JAKMIP2: variants seen among roughly 807,000 people sequenced by gnomAD.
The protein encoded by JAKMIP2 is janus kinase and microtubule interacting protein 2, also known as janus kinase and microtubule-interacting protein 2.
In JAKMIP2, 25 loss-of-function variants were observed where a neutral mutation model predicts 115.0. The ratio of observed to expected loss-of-function variants is 0.22; its 90% CI spans 0.16 to 0.30. The LOEUF is 0.30. Among genes scored for constraint, JAKMIP2 ranks in the 10% least tolerant of loss-of-function variants. The pLI, the probability that JAKMIP2 is intolerant of heterozygous loss-of-function variation, is 1.00. For synonymous variants in JAKMIP2, 334 were observed against 343.6 expected, an observed-to-expected ratio of 0.97 and a Z score of 0.31; for missense variants, 642 against 957.6, an observed-to-expected ratio of 0.67 and a Z score of 4.35.
Position 147,644,859 on chromosome 5 carries a change from ATTTTCC to A in JAKMIP2, c.1068_1073del (p.Lys356_Glu357del). 6 of 1,613,310 alleles carry A rather than the reference ATTTTCC, an allele frequency of 3.7e-6. No individual in the cohort carries two copies. The highest frequency in any genetic ancestry group is 5.1e-6 in the Non-Finnish European group (6 of 1,179,794). The stretch of plus-strand genomic sequence containing the variant: ...AGTCTGTGATACACACCATTTCTGA[ATTTTCC>A]TTGGTAACGGCTTTTAGTTTTTCTT... On this transcript the variant is annotated inframe_deletion, in exon 6 of 22. Transcript: ENST00000616793.
intron 1 of JAKMIP2, among the ~76,000 whole-genome samples, chr5:147,723,479 G>A (rs577259530): frequency 2.6e-5 from 4 of 152,162 alleles, no homozygotes; most frequent in African/African-American, 9.6e-5. Flanking sequence ...CATGAATTTT[G>A]TGCAATACTA....
At chr5:147,719,442 G>A (rs1326359394) in intron 1 of JAKMIP2, among the ~76,000 whole-genome samples, 1 of 145,164 alleles carries the variant, frequency 6.9e-6, no homozygotes, top group African/African-American at 2.6e-5. Context: ...AATGTTGACA[G>A]TGGGGTGTTA....
rs1353581627 is a variant in JAKMIP2, at chr5:147,587,753, A to C, written c.*3954T>G. 6.6e-6 allele frequency: 1 copy of C among 152,168 alleles called. No individual in the cohort carries two copies. Among genetic ancestry groups the C allele is most frequent in the Non-Finnish European group, 1.5e-5 (1 of 68,022 alleles). The allele number at this position is 152,168 out of a possible 1,614,324, so 9.4% of individuals were successfully genotyped here. On this transcript the variant is annotated 3_prime_UTR_variant, in exon 22 of 22. Transcript: ENST00000616793. Reference sequence around the variant, plus strand: ...GCAAAAAGGAACAAGTTTGCCAGAGATTTATTTAAAATTGAAAGCAAAGTT... The same window carrying C: ...GCAAAAAGGAACAAGTTTGCCAGAGCTTTATTTAAAATTGAAAGCAAAGTT...
intron 21 of JAKMIP2, among the ~76,000 whole-genome samples, chr5:147,596,614 ATC>A (rs1446475162): frequency 1.3e-5 from 2 of 152,178 alleles, no homozygotes; most frequent in African/African-American, 4.8e-5. Context: ...TCATCTGTCA[ATC>A]TGAAATTTAT....
intron 12 of JAKMIP2, among the ~76,000 whole-genome samples, chr5:147,633,130 T>G (rs1231133687): frequency 6.6e-6 from 1 of 152,230 alleles, no homozygotes; most frequent in East Asian, 1.9e-4. Flanking sequence ...GGACTGATAC[T>G]TCTCATTTCT....
At chr5:147,734,131 G>A (rs1753831148) in intron 1 of JAKMIP2, among the ~76,000 whole-genome samples, 1 of 152,070 alleles carries the variant, frequency 6.6e-6, no homozygotes, top group African/African-American at 2.4e-5. Context: ...AGACATTTAT[G>A]TGGCCAATAA....
In JAKMIP2 at chr5:147,695,677, T is replaced by TGTGA. The variant is rs532821164; in HGVS notation, c.-148-23724_-148-23723insTCAC. Among the ~76,000 whole-genome samples, 1,415 of 147,090 alleles carry TGTGA rather than the reference T, an allele frequency of 9.6e-3. 12 individuals are homozygous for TGTGA. Among genetic ancestry groups the TGTGA allele is most frequent in the African/African-American group, 0.021 (829 of 40,330 alleles). ...GTGTGTGTGTGTGTGTGTGTGTGTG[T>TGTGA]GAGAGAGAGAGACAGAGACAGAGAC... On this transcript the variant is annotated intron_variant, in intron 1 of 21. Transcript: ENST00000616793.
At chr5:147,620,603 T>A in intron 18 of JAKMIP2, 63 bp downstream of exon 18, 1 of 1,122,898 alleles carries the variant, frequency 8.9e-7, no homozygotes, top group South Asian at 1.3e-5. Context: ...TTAAAAAGGA[T>A]ACTTAATTCC....
intron 1 of JAKMIP2, among the ~76,000 whole-genome samples, chr5:147,724,833 TA>T (rs983834401): frequency 6.6e-6 from 1 of 152,118 alleles, no homozygotes; most frequent in Non-Finnish European, 1.5e-5. Context: ...CATAGATAGA[TA>T]AAAAACAAGG....
intron 1 of JAKMIP2, among the ~76,000 whole-genome samples, chr5:147,723,021 A>G (rs570433873): frequency 6.7e-6 from 1 of 148,926 alleles, no homozygotes; most frequent in Non-Finnish European, 1.5e-5. Flanking sequence ...TTGAATTTCA[A>G]AAAATTTAAC....
chr5:147,646,740 A>G (rs1758152637), intron 5 of JAKMIP2, among the ~76,000 whole-genome samples: 1 of 151,714 alleles, frequency 6.6e-6, no homozygotes, highest in Non-Finnish European at 1.5e-5. Context: ...ATGTAGTTCA[A>G]CTAATAACAA....
intron 19 of JAKMIP2, among the ~76,000 whole-genome samples, chr5:147,612,944 C>A (rs1413435498): frequency 1.3e-5 from 2 of 152,138 alleles, no homozygotes; most frequent in East Asian, 1.9e-4. Flanking sequence ...ATAGAATTTT[C>A]TCACAAAATA....
chr5:147,671,390 C>T (rs748438199), intron 2 of JAKMIP2, among the ~76,000 whole-genome samples: 1 of 152,142 alleles, frequency 6.6e-6, no homozygotes, highest in Non-Finnish European at 1.5e-5. Flanking sequence ...AAGTGTTTGG[C>T]GGTGGTAAGG....
chr5:147,748,183 TTTA>T (rs2127013057), intron 1 of JAKMIP2, among the ~76,000 whole-genome samples: 1 of 152,290 alleles, frequency 6.6e-6, no homozygotes, highest in Admixed American at 6.5e-5. Context: ...AGCTTGGATG[TTTA>T]TTGACATTCT....
At chr5:147,661,808 C>G (rs1284129109) in intron 2 of JAKMIP2, 1 of 233,658 alleles carries the variant, frequency 4.3e-6, no homozygotes, top group African/African-American at 2.3e-5. Flanking sequence ...CTTAACAAAT[C>G]CCCATGTGAT....
intron 21 of JAKMIP2, among the ~76,000 whole-genome samples, chr5:147,595,830 A>G (rs1229201235): frequency 6.6e-6 from 1 of 152,166 alleles, no homozygotes; most frequent in African/African-American, 2.4e-5. Context: ...GGTTGAACAA[A>G]ATTATATGGT....
At chr5:147,777,014 T>G (rs888768349) in intron 1 of JAKMIP2, among the ~76,000 whole-genome samples, 1 of 152,178 alleles carries the variant, frequency 6.6e-6, no homozygotes, top group African/African-American at 2.4e-5. Context: ...AACATGAATC[T>G]GAAACAGATG....
intron 3 of JAKMIP2, among the ~76,000 whole-genome samples, chr5:147,657,637 T>A (rs1450502008): frequency 6.6e-6 from 1 of 152,152 alleles, no homozygotes; most frequent in Non-Finnish European, 1.5e-5. Context: ...TTTCAGGTAT[T>A]CCAGTCAATT....
intron 1 of JAKMIP2, among the ~76,000 whole-genome samples, chr5:147,676,540 G>T (rs1336411935): frequency 6.6e-6 from 1 of 152,164 alleles, no homozygotes; most frequent in Non-Finnish European, 1.5e-5. Context: ...AACTTTAAGT[G>T]AACCCTAGAT....
Sources: allele counts gnomAD v4.1 joint callset (sites outside exome capture counted in the v4.1 genomes callset), GRCh38; gene constraint gnomAD v4.1.1; transcripts MANE v1.5; gene names NCBI Gene and HGNC (gene_info 2026-07-23, HGNC 2026-07-21).